The following PIK3R1 variants were observed in gnomAD, a reference collection of about 807,000 sequenced individuals.
PIK3R1 encodes phosphatidylinositol 3-kinase regulatory subunit alpha.
In PIK3R1, 29 loss-of-function variants were observed where a neutral mutation model predicts 98.0. That is an observed-to-expected ratio of 0.30 (90% CI 0.22 to 0.40). The LOEUF (loss-of-function observed/expected upper bound fraction) is 0.40, where lower values mean the gene tolerates loss of function less well. Among genes scored for constraint, PIK3R1 ranks in the 10% least tolerant of loss-of-function variants. The probability of loss-of-function intolerance (pLI) is 1.00; values close to 1 mark genes in which losing one functional copy is unlikely to be tolerated. For missense variants in PIK3R1, 596 were observed against 872.7 expected, an observed-to-expected ratio of 0.68 and a Z score of 3.99; for synonymous variants, 282 against 311.8, an observed-to-expected ratio of 0.90 and a Z score of 1.01.
At chr5:68,262,694 C>CACATAT (rs137986126) in intron 2 of PIK3R1, among the ~76,000 whole-genome samples, 1 of 23,056 alleles carries the variant, frequency 4.3e-5, no homozygotes, top group Non-Finnish European at 8.1e-5. Flanking sequence ...TGCATGTATA[C>CACATAT]ACATGTAGAT....
At chr5:68,221,001 G>T (rs772042288) in intron 1 of PIK3R1, among the ~76,000 whole-genome samples, 2 of 152,190 alleles carry the variant, frequency 1.3e-5, no homozygotes, top group Admixed American at 6.5e-5. Flanking sequence ...AGGAGGCTGT[G>T]CTCTCTTGAA....
In PIK3R1 at chr5:68,221,100, G is replaced by A. The variant is rs189247140; in HGVS notation, c.-387+5151G>A. ...GAGTTTGGCCCTGTCTTGCTGTCTTGCCCTTGCAAGAGGACATAAGATGAA... is the reference window on the plus strand; with the variant it reads ...GAGTTTGGCCCTGTCTTGCTGTCTTACCCTTGCAAGAGGACATAAGATGAA... On this transcript the variant is annotated intron_variant, in intron 1 of 15. Transcript: ENST00000521381. 4.0e-3 allele frequency among the ~76,000 whole-genome samples: 612 copies of A among 152,278 alleles called. 3 individuals are homozygous for A. Among genetic ancestry groups the A allele is most frequent in the Non-Finnish European group, 7.0e-3 (477 of 68,010 alleles).
intron 4 of PIK3R1, among the ~76,000 whole-genome samples, chr5:68,278,865 G>A (rs986862232): frequency 4.6e-5 from 7 of 151,034 alleles, no homozygotes; most frequent in South Asian, 4.2e-4. Context: ...GCTTGAACCC[G>A]GGAGGTGAAG....
At chr5:68,235,542 T>G (rs1744634780) in intron 2 of PIK3R1, among the ~76,000 whole-genome samples, 3 of 152,336 alleles carry the variant, frequency 2.0e-5, no homozygotes, top group African/African-American at 7.2e-5. Context: ...GCTGAATATT[T>G]GTGGCATCAT....
intron 2 of PIK3R1, among the ~76,000 whole-genome samples, chr5:68,253,743 G>A (rs1237044401): frequency 6.6e-6 from 1 of 152,188 alleles, no homozygotes; most frequent in Non-Finnish European, 1.5e-5. Flanking sequence ...GGGGATTGGC[G>A]AAATCTGGTA....
chr5:68,269,995 A>G (rs1248523934), intron 2 of PIK3R1, among the ~76,000 whole-genome samples: 2 of 152,206 alleles, frequency 1.3e-5, no homozygotes, highest in Non-Finnish European at 2.9e-5. Flanking sequence ...CAATATTACA[A>G]ATTCAGTGGG....
At chr5:68,295,663 T>C in intron 14 of PIK3R1, 175 bp downstream of exon 14, 2 of 621,084 alleles carry the variant, frequency 3.2e-6, no homozygotes, top group South Asian at 2.0e-5. Flanking sequence ...AAAGCTTAGC[T>C]AAGGAGGACT....
At chr5:68,249,341 C>T (rs1255508258) in intron 2 of PIK3R1, among the ~76,000 whole-genome samples, 1 of 152,128 alleles carries the variant, frequency 6.6e-6, no homozygotes, top group East Asian at 1.9e-4. Flanking sequence ...AACTTTTATC[C>T]CTTTTTAATT....
intron 4 of PIK3R1, 35 bp downstream of exon 4, chr5:68,274,048 A>G (rs774261845): frequency 2.0e-6 from 3 of 1,520,318 alleles, no homozygotes; most frequent in Non-Finnish European, 2.7e-6. Context: ...CAAATGGGAA[A>G]GACAGGTCTT....
chr5:68,293,704 T>C lies in PIK3R1; in HGVS notation c.1300-5T>C. The C allele has an allele frequency of 1.4e-6, 2 of 1,432,070 alleles. No homozygotes were observed. Among genetic ancestry groups the C allele is most frequent in the African/African-American group, 1.4e-5 (1 of 69,828 alleles). The allele number at this position is 1,432,070 out of a possible 1,614,324, so 88.7% of individuals were successfully genotyped here. On this transcript the variant is annotated splice_region_variant and splice_polypyrimidine_tract_variant and intron_variant, in intron 10 of 15. Transcript: ENST00000521381. ...TATCCATTGAATTTATTTTAATCTT[T>C]CTAGGATCAAGTTGTCAAAGAAGAT...
intron 4 of PIK3R1, among the ~76,000 whole-genome samples, chr5:68,277,237 A>C (rs1240455912): frequency 1.3e-5 from 2 of 152,208 alleles, no homozygotes; most frequent in Non-Finnish European, 2.9e-5. Flanking sequence ...GACCATAGAG[A>C]ATTCCTATAG....
At chr5:68,281,069 T>A (rs2112197789) in intron 7 of PIK3R1, 63 bp downstream of exon 7, 1 of 1,088,254 alleles carries the variant, frequency 9.2e-7, no homozygotes, top group South Asian at 1.4e-5. Context: ...TAAAAAATGA[T>A]GGCTATAAAC....
chr5:68,250,126 G>T (rs1745246478), intron 2 of PIK3R1, among the ~76,000 whole-genome samples: 2 of 152,212 alleles, frequency 1.3e-5, no homozygotes. Context: ...ACCCCCAGTG[G>T]TGTGTGTCTT....
At position 68,259,546 on chromosome 5, in the gene PIK3R1, A is replaced by AG. The variant is rs557424569; in HGVS notation, c.335-13842dup. Among the ~76,000 whole-genome samples the AG allele has an allele frequency of 7.9e-5, 12 of 152,224 alleles. No homozygotes were observed. The South Asian group carries it at 1.0e-3, about 13-fold the overall frequency. On this transcript the variant is annotated intron_variant, in intron 2 of 15. Coordinates refer to ENST00000521381, the MANE Select transcript of PIK3R1 (RefSeq NM_181523.3). The stretch of plus-strand genomic sequence containing the variant: ...AAGTTTGGCTATCACCATGGGCGTG[A>AG]GGAGAGGGGTTCTGTTCTCATTTGG...
chr5:68,287,674 C>T (rs1747136240), intron 7 of PIK3R1, among the ~76,000 whole-genome samples: 1 of 152,208 alleles, frequency 6.6e-6, no homozygotes, highest in South Asian at 2.1e-4. Context: ...GAAAGGTATG[C>T]CCTTCTCTGC....
At chr5:68,273,162 AAGGCCATAAG>A (rs1561284830) in intron 2 of PIK3R1, among the ~76,000 whole-genome samples, 1 of 152,180 alleles carries the variant, frequency 6.6e-6, no homozygotes, top group East Asian at 1.9e-4. Context: ...ACCTGGGGGA[AAGGCCATAAG>A]AGGCCATTTA....
At chr5:68,258,847 A>C (rs1745627967) in intron 2 of PIK3R1, among the ~76,000 whole-genome samples, 1 of 152,222 alleles carries the variant, frequency 6.6e-6, no homozygotes, top group South Asian at 2.1e-4. Flanking sequence ...TTAGTACATA[A>C]CAAACACTAT....
chr5:68,243,378 G>A (rs1744942750), intron 2 of PIK3R1, among the ~76,000 whole-genome samples: 1 of 152,148 alleles, frequency 6.6e-6, no homozygotes, highest in South Asian at 2.1e-4. Flanking sequence ...AAAAAAATAT[G>A]TCCTCTCCTA....
chr5:68,288,619 T>G, intron 7 of PIK3R1: 2 of 1,575,610 alleles, frequency 1.3e-6, no homozygotes, highest in Admixed American at 3.6e-5. Flanking sequence ...GAGCACTGCC[T>G]GCCGGGAACA....
Sources: gnomAD v4.1 joint callset for allele counts (sites outside exome capture counted in the v4.1 genomes callset) on GRCh38, gnomAD v4.1.1 for gene constraint, MANE v1.5 for transcripts, NCBI Gene and HGNC (gene_info 2026-07-23, HGNC 2026-07-21) for gene names.